The following DOK5 variants were observed in gnomAD, a reference collection of about 807,000 sequenced individuals.
The protein encoded by DOK5 is docking protein 5, also known as downstream of tyrosine kinase 5.
Under a neutral mutation model 43.3 loss-of-function variants are expected in DOK5, and 27 were observed. That is an observed-to-expected ratio of 0.62 (90% confidence interval 0.46 to 0.86). The LOEUF (loss-of-function observed/expected upper bound fraction) is 0.86, where lower values mean the gene tolerates loss of function less well. DOK5 is among the 40% of genes least tolerant of loss of function. The pLI, the probability that DOK5 is intolerant of heterozygous loss-of-function variation, is 0.00. For synonymous variants in DOK5, 146 were observed against 140.1 expected, an observed-to-expected ratio of 1.04 and a Z score of -0.30; for missense variants, 373 against 392.9, an observed-to-expected ratio of 0.95 and a Z score of 0.43.
intron 5 of DOK5, among the ~76,000 whole-genome samples, chr20:54,592,357 C>T (rs1986001313): frequency 6.6e-6 from 1 of 151,942 alleles, no homozygotes; most frequent in Non-Finnish European, 1.5e-5. Flanking sequence ...AAGCACTTTC[C>T]GGGTTTTCTC....
intron 4 of DOK5, among the ~76,000 whole-genome samples, chr20:54,590,690 G>A (rs1985952587): frequency 6.6e-6 from 1 of 152,030 alleles, no homozygotes; most frequent in Non-Finnish European, 1.5e-5. Context: ...TAAAATCTAT[G>A]AAAATTCAAA....
chr20:54,502,306 T>C (rs1190202602), intron 1 of DOK5, among the ~76,000 whole-genome samples: 1 of 152,206 alleles, frequency 6.6e-6, no homozygotes, highest in African/African-American at 2.4e-5. Context: ...CTTCTATGTA[T>C]AAGGTAATTC....
chr20:54,553,372 T>C (rs1984595930), intron 1 of DOK5, among the ~76,000 whole-genome samples: 1 of 151,960 alleles, frequency 6.6e-6, no homozygotes, highest in Non-Finnish European at 1.5e-5. Flanking sequence ...ACTTTTTGTA[T>C]GTTTAGTACA....
chr20:54,639,633 A>C (rs1453035008), intron 6 of DOK5, among the ~76,000 whole-genome samples: 3 of 148,378 alleles, frequency 2.0e-5, no homozygotes, highest in African/African-American at 4.9e-5. Flanking sequence ...TAAAAAAAAA[A>C]CTATATAAAA....
intron 2 of DOK5, among the ~76,000 whole-genome samples, chr20:54,588,185 A>G (rs1479426229): frequency 6.6e-6 from 1 of 152,192 alleles, no homozygotes; most frequent in Non-Finnish European, 1.5e-5. Context: ...AGGATTTGAA[A>G]AACTAAAGAA....
At chr20:54,481,838 T>C (rs1355716043) in intron 1 of DOK5, among the ~76,000 whole-genome samples, 1 of 152,226 alleles carries the variant, frequency 6.6e-6, no homozygotes, top group African/African-American at 2.4e-5. Flanking sequence ...CTCCATCTTC[T>C]GTAAAAATAT....
intron 1 of DOK5, among the ~76,000 whole-genome samples, chr20:54,526,896 A>T (rs989095209): frequency 6.6e-6 from 1 of 152,166 alleles, no homozygotes; most frequent in African/African-American, 2.4e-5. Context: ...GAAGGAGGTA[A>T]TATCTATGAA....
At chr20:54,637,079 C>T (rs16999893) in intron 6 of DOK5, among the ~76,000 whole-genome samples, 16,286 of 152,206 alleles carry the variant, frequency 0.11, 1,223 homozygotes, top group African/African-American at 0.21. Context: ...CATCACAGGT[C>T]TCTTAGTTCC....
intron 1 of DOK5, among the ~76,000 whole-genome samples, chr20:54,527,479 C>T (rs776476740): frequency 2.6e-5 from 4 of 152,108 alleles, no homozygotes; most frequent in Non-Finnish European, 4.4e-5. Context: ...AATCGAAGAG[C>T]AAACCTCTCA....
chr20:54,568,900 C>G (rs966971892), intron 2 of DOK5, among the ~76,000 whole-genome samples: 4 of 150,768 alleles, frequency 2.7e-5, no homozygotes, highest in Non-Finnish European at 5.9e-5. Context: ...CCACTGCACT[C>G]CAGCCTGGGC....
intron 1 of DOK5, among the ~76,000 whole-genome samples, chr20:54,522,132 T>C (rs892177299): frequency 2.0e-5 from 3 of 152,158 alleles, no homozygotes; most frequent in African/African-American, 4.8e-5. Context: ...TGTCTGATCT[T>C]TTGTCTTCCC....
At chr20:54,558,443 C>A (rs1021315131) in intron 2 of DOK5, among the ~76,000 whole-genome samples, 4 of 152,130 alleles carry the variant, frequency 2.6e-5, no homozygotes, top group Middle Eastern at 3.4e-3. Context: ...GCCTCCAAGC[C>A]CTTGATGAAT....
At chr20:54,571,977 G>T (rs541620739) in intron 2 of DOK5, among the ~76,000 whole-genome samples, 1 of 151,936 alleles carries the variant, frequency 6.6e-6, no homozygotes, top group Non-Finnish European at 1.5e-5. Context: ...TCATAAACCC[G>T]TGCTCATCCT....
chr20:54,607,177 A>G (rs1046733230), intron 5 of DOK5, among the ~76,000 whole-genome samples: 15 of 152,238 alleles, frequency 9.9e-5, no homozygotes, highest in South Asian at 8.3e-4. Context: ...AACAATCAGA[A>G]ACTGTGAGTA....
chr20:54,579,743 T>A (rs1402450100), intron 2 of DOK5, among the ~76,000 whole-genome samples: 1 of 152,166 alleles, frequency 6.6e-6, no homozygotes, highest in Non-Finnish European at 1.5e-5. Flanking sequence ...CCTTCTTTTT[T>A]AGGGTGGGAT....
At chr20:54,635,637 G>C (rs1978789276) in intron 6 of DOK5, among the ~76,000 whole-genome samples, 1 of 152,172 alleles carries the variant, frequency 6.6e-6, no homozygotes, top group Admixed American at 6.5e-5. Context: ...TATATGTATT[G>C]ATTGATGTCT....
At chr20:54,504,237 T>C (rs6091907) in intron 1 of DOK5, among the ~76,000 whole-genome samples, 5,008 of 152,274 alleles carry the variant, frequency 0.033, 277 homozygotes, top group African/African-American at 0.11. Context: ...GTCCACCTTC[T>C]AGATCTCGCG....
intron 1 of DOK5, among the ~76,000 whole-genome samples, chr20:54,513,460 A>C (rs1230068704): frequency 7.5e-6 from 1 of 134,056 alleles, no homozygotes; most frequent in Non-Finnish European, 1.6e-5. Context: ...AAATACTCTG[A>C]GCAAAAAAAA....
intron 1 of DOK5, among the ~76,000 whole-genome samples, chr20:54,481,020 CTATCATCT>C (rs1203686586): frequency 0.04 from 5,224 of 131,126 alleles, 324 homozygotes; most frequent in African/African-American, 0.089. Flanking sequence ...ATCTATCTAT[CTATCATCT>C]ATCTATCATC....
Sources: allele counts gnomAD v4.1 joint callset (sites outside exome capture counted in the v4.1 genomes callset), GRCh38; gene constraint gnomAD v4.1.1; transcripts MANE v1.5; gene names NCBI Gene and HGNC (gene_info 2026-07-23, HGNC 2026-07-21).